CNTNAP2: variants seen among roughly 807,000 people sequenced by gnomAD.
CNTNAP2 encodes contactin associated protein 2, also known as contactin-associated protein-like 2.
In CNTNAP2, 98 loss-of-function variants were observed where a neutral mutation model predicts 155.2. The observed-to-expected ratio is 0.63, with a 90% CI of 0.54 to 0.75. The LOEUF (loss-of-function observed/expected upper bound fraction) is 0.75, where lower values mean the gene tolerates loss of function less well. Among genes scored for constraint, CNTNAP2 ranks in the 30% least tolerant of loss-of-function variants. The pLI, the probability that CNTNAP2 is intolerant of heterozygous loss-of-function variation, is 0.00. For missense variants in CNTNAP2, 1,727 were observed against 1,688.1 expected (o/e 1.02, Z -0.40); for synonymous variants, 651 against 631.2 (o/e 1.03, Z -0.47).
intron 15 of CNTNAP2, among the ~76,000 whole-genome samples, chr7:148,028,213 C>G (rs1802407354): frequency 6.6e-6 from 1 of 152,264 alleles, no homozygotes; most frequent in South Asian, 2.1e-4. Context: ...AACTTTCACC[C>G]ATTTGCAATC....
chr7:146,854,491 G>T (rs1794938204), intron 3 of CNTNAP2, among the ~76,000 whole-genome samples: 1 of 152,124 alleles, frequency 6.6e-6, no homozygotes, highest in Non-Finnish European at 1.5e-5. Flanking sequence ...TATTGGAATA[G>T]CTCTCTAGTA....
rs1563009692 is a variant in CNTNAP2 at position 147,586,523 on chromosome 7, G to GAGGGAGGAAGGAAGGAAGGAAGGAAGGA, written c.1897+24269_1897+24270insGAGGAAGGAAGGAAGGAAGGAAGGAAGG. On this transcript the variant is annotated intron_variant, in intron 12 of 23. Transcript: ENST00000361727. ...TACACACACACCCACAGAGAGAGAA[G>GAGGGAGGAAGGAAGGAAGGAAGGAAGGA]AGGAAGGAAGGAAGGAAGGAAGGGA... Among the ~76,000 whole-genome samples, 94 of 42,014 alleles carry GAGGGAGGAAGGAAGGAAGGAAGGAAGGA rather than the reference G, an allele frequency of 2.2e-3. 2 individuals are homozygous for GAGGGAGGAAGGAAGGAAGGAAGGAAGGA. Among genetic ancestry groups the GAGGGAGGAAGGAAGGAAGGAAGGAAGGA allele is most frequent in the Non-Finnish European group, 3.2e-3 (79 of 24,522 alleles). 27.6% of individuals were successfully genotyped at this position (42,014 alleles called of 152,430 possible).
At chr7:147,459,844 T>C (rs1797987471) in intron 10 of CNTNAP2, among the ~76,000 whole-genome samples, 1 of 152,098 alleles carries the variant, frequency 6.6e-6, no homozygotes, top group Admixed American at 6.5e-5. Context: ...TCCTGGAAAA[T>C]CACTTGTTCC....
chr7:146,680,788 C>T (rs1800488324), intron 1 of CNTNAP2, among the ~76,000 whole-genome samples: 2 of 152,038 alleles, frequency 1.3e-5, no homozygotes, highest in South Asian at 2.1e-4. Context: ...CACATGGATC[C>T]GGGACATACT....
intron 1 of CNTNAP2, among the ~76,000 whole-genome samples, chr7:146,641,450 T>C (rs1799706391): frequency 6.6e-6 from 1 of 152,252 alleles, no homozygotes; most frequent in African/African-American, 2.4e-5. Flanking sequence ...ATGTTAATTA[T>C]AATGTAGGCC....
At position 147,867,501 on chromosome 7, in the gene CNTNAP2, C is replaced by T. The variant is rs1033804052; in HGVS notation, c.2099-36064C>T. On this transcript the variant is annotated intron_variant, in intron 13 of 23. Transcript: ENST00000361727. Reference sequence around the variant, plus strand: ...TGAATTTGAATGTTGACCTGCCTTGCTAGGTTGGGGAAGTTCTCCTGGATA... The same window carrying T: ...TGAATTTGAATGTTGACCTGCCTTGTTAGGTTGGGGAAGTTCTCCTGGATA... 4.6e-5 allele frequency among the ~76,000 whole-genome samples: 7 copies of T among 152,208 alleles called. No individual in the cohort carries two copies. The East Asian group carries it at 1.4e-3, about 29-fold the overall frequency.
chr7:146,630,389 G>A (rs1351148598), intron 1 of CNTNAP2, among the ~76,000 whole-genome samples: 1 of 152,098 alleles, frequency 6.6e-6, no homozygotes, highest in Non-Finnish European at 1.5e-5. Flanking sequence ...ATCATTGATG[G>A]GAATTTGGGT....
intron 12 of CNTNAP2, among the ~76,000 whole-genome samples, chr7:147,578,674 A>C (rs1800443074): frequency 6.6e-6 from 1 of 152,138 alleles, no homozygotes; most frequent in African/African-American, 2.4e-5. Context: ...CATAGTGGAA[A>C]ATTATTTAGT....
intron 9 of CNTNAP2, among the ~76,000 whole-genome samples, chr7:147,318,363 G>T (rs1795276911): frequency 6.6e-6 from 1 of 152,144 alleles, no homozygotes; most frequent in South Asian, 2.1e-4. Context: ...GGTCTCTTGA[G>T]CCTTGGAGTG....
chr7:147,335,830 A>C (rs1277460038), intron 9 of CNTNAP2, among the ~76,000 whole-genome samples: 1 of 152,072 alleles, frequency 6.6e-6, no homozygotes, highest in East Asian at 1.9e-4. Context: ...CAGGCAACTT[A>C]ACATTTAATA....
intron 13 of CNTNAP2, among the ~76,000 whole-genome samples, chr7:147,762,781 G>GGAAGGA (rs1426242345): frequency 1.4e-5 from 2 of 143,736 alleles, no homozygotes; most frequent in African/African-American, 5.7e-5. Flanking sequence ...GGAAGGAAGG[G>GGAAGGA]GAAGGGGAAG....
At chr7:148,013,078 T>G (rs1413078902) in intron 15 of CNTNAP2, 1 of 152,158 alleles carries the variant, frequency 6.6e-6, no homozygotes, top group Non-Finnish European at 1.5e-5. Context: ...GTGTTCACAG[T>G]GCTGAAATTA....
intron 21 of CNTNAP2, among the ~76,000 whole-genome samples, chr7:148,364,758 G>C (rs998201389): frequency 3.3e-5 from 5 of 152,174 alleles, no homozygotes; most frequent in Admixed American, 6.5e-5. Context: ...GATGTGGGTG[G>C]GGCCAGATAA....
At chr7:147,572,635 C>A (rs1800317509) in intron 12 of CNTNAP2, among the ~76,000 whole-genome samples, 1 of 151,872 alleles carries the variant, frequency 6.6e-6, no homozygotes, top group South Asian at 2.1e-4. Context: ...GTTTGATTAC[C>A]TCTGGCACTT....
At chr7:146,975,748 G>C (rs1797897271) in intron 3 of CNTNAP2, among the ~76,000 whole-genome samples, 1 of 152,162 alleles carries the variant, frequency 6.6e-6, no homozygotes, top group Non-Finnish European at 1.5e-5. Flanking sequence ...AGGTGCCAGA[G>C]CACACATTAG....
chr7:146,159,044 C>T (rs995199947), intron 1 of CNTNAP2, among the ~76,000 whole-genome samples: 8 of 152,238 alleles, frequency 5.3e-5, no homozygotes, highest in Middle Eastern at 3.4e-3. Context: ...GCAGATCTCT[C>T]GACAGAAACT....
chr7:147,404,599 A>C (rs769393976), intron 10 of CNTNAP2, among the ~76,000 whole-genome samples: 1 of 152,204 alleles, frequency 6.6e-6, no homozygotes, highest in Non-Finnish European at 1.5e-5. Flanking sequence ...CATCATGCTA[A>C]ATCTGACTTA....
chr7:146,471,747 G>A (rs1415464733), intron 1 of CNTNAP2, among the ~76,000 whole-genome samples: 2 of 152,184 alleles, frequency 1.3e-5, no homozygotes, highest in African/African-American at 4.8e-5. Flanking sequence ...AGATAGTGTA[G>A]GCACATTTTG....
At chr7:146,987,159 T>C (rs1042001879) in intron 3 of CNTNAP2, among the ~76,000 whole-genome samples, 1 of 152,164 alleles carries the variant, frequency 6.6e-6, no homozygotes, top group Admixed American at 6.6e-5. Flanking sequence ...ACATGCTACA[T>C]AGTTCTTTGA....
Sources: allele counts gnomAD v4.1 joint callset (sites outside exome capture counted in the v4.1 genomes callset), GRCh38; gene constraint gnomAD v4.1.1; transcripts MANE v1.5; gene names NCBI Gene and HGNC (gene_info 2026-07-23, HGNC 2026-07-21).